SH2D1B: variants seen among roughly 807,000 people sequenced by gnomAD.
The protein encoded by SH2D1B is SH2 domain-containing protein 1B.
A neutral mutation model predicts 16.3 loss-of-function variants in SH2D1B; 11 were observed. The observed-to-expected ratio is 0.67, with a 90% CI of 0.42 to 1.11. The LOEUF (loss-of-function observed/expected upper bound fraction) is 1.11, where lower values mean the gene tolerates loss of function less well. Among genes scored for constraint, SH2D1B ranks in the 50% most tolerant of loss-of-function variants. The pLI is 0.00. For synonymous variants in SH2D1B, 55 were observed against 56.1 expected, an observed-to-expected ratio of 0.98 and a Z score of 0.09; for missense variants, 123 against 153.1, an observed-to-expected ratio of 0.80 and a Z score of 1.04.
At chr1:162,402,598 C>T in intron 2 of SH2D1B, 141 bp downstream of exon 2, 1 of 644,526 alleles carries the variant, frequency 1.6e-6, no homozygotes, top group South Asian at 2.2e-5. Context: ...ACCAGGTTAA[C>T]TCGATCTGAC....
At chr1:162,406,369 A>G (rs981499961) in intron 1 of SH2D1B, among the ~76,000 whole-genome samples, 1 of 152,212 alleles carries the variant, frequency 6.6e-6, no homozygotes, top group African/African-American at 2.4e-5. Flanking sequence ...AATCAATAAA[A>G]TACTAAGCAG....
intron 1 of SH2D1B, among the ~76,000 whole-genome samples, chr1:162,410,087 C>T (rs1441901913): frequency 6.6e-6 from 1 of 152,174 alleles, no homozygotes; most frequent in Admixed American, 6.5e-5. Context: ...CCTACTAAGT[C>T]AGTTTGGCAA....
At chr1:162,403,452 G>T (rs1289039707) in intron 1 of SH2D1B, among the ~76,000 whole-genome samples, 2 of 125,218 alleles carry the variant, frequency 1.6e-5, no homozygotes, top group Middle Eastern at 6.9e-3. Context: ...TCATGCCACT[G>T]CACTCCAGCC....
chr1:162,398,288 C>CTAAG (rs575818000), intron 3 of SH2D1B, among the ~76,000 whole-genome samples: 80 of 152,300 alleles, frequency 5.3e-4, no homozygotes, highest in African/African-American at 1.8e-3. Context: ...GGATTAAGAC[C>CTAAG]TAAGTGTTTC....
rs545271688 is a variant in SH2D1B at position 162,402,655 on chromosome 1, T to C, written c.198+84A>G. On this transcript the variant is annotated intron_variant, in intron 2 of 3. Transcript: ENST00000367929. ...TCCTTTTTAGAATGCTTTCGCACAG[T>C]CATGGCTCAGGTAAAAGACATGTTC... 2.0e-5 allele frequency: 23 copies of C among 1,165,436 alleles called. No homozygotes were observed. The Admixed American group carries it at 2.8e-4, about 14-fold the overall frequency. 72.2% of individuals were successfully genotyped at this position (1,165,436 alleles called of 1,614,324 possible).
chr1:162,410,071 A>T (rs1006134161), intron 1 of SH2D1B, among the ~76,000 whole-genome samples: 2 of 152,162 alleles, frequency 1.3e-5, no homozygotes, highest in Non-Finnish European at 2.9e-5. Context: ...AGTTTTAGCA[A>T]AGAACCCTAC....
intron 2 of SH2D1B, chr1:162,402,441 C>T (rs956055938): frequency 1.5e-5 from 3 of 202,364 alleles, no homozygotes; most frequent in Admixed American, 1.2e-4. Flanking sequence ...TCGCTTGAAC[C>T]CGGGAGGCGG....
chr1:162,399,939 C>G (rs370272722), intron 2 of SH2D1B, among the ~76,000 whole-genome samples: 44 of 152,314 alleles, frequency 2.9e-4, no homozygotes, highest in African/African-American at 9.6e-4. Context: ...CAAGCTGGGG[C>G]TGGTTCTCTT....
rs746291461 is a variant in SH2D1B at position 162,411,954 on chromosome 1, C to G, written c.63G>C (p.Lys21Asn). The G allele has an allele frequency of 6.2e-7, 1 of 1,614,178 alleles. No homozygotes were observed. Among genetic ancestry groups the G allele is most frequent in the Admixed American group, 1.7e-5 (1 of 60,028 alleles). The change falls in exon 1 of 4, where the codon AAG becomes AAC. Residue 21 changes from lysine (K) to asparagine (N), a missense_variant. Coordinates refer to ENST00000367929, the MANE Select transcript of SH2D1B (RefSeq NM_053282.5). ...TKQDCETLLL[K>N]EGVDGNFLLR... is the part of the protein sequence containing the mutation. ...AAAGAAAGTTGCCATCCACCCCTTC[C>G]TTGAGCAGCAAGGTCTCACAGTCTT...
At chr1:162,408,696 G>A (rs1458015319) in intron 1 of SH2D1B, among the ~76,000 whole-genome samples, 5 of 152,032 alleles carry the variant, frequency 3.3e-5, no homozygotes, top group Non-Finnish European at 5.9e-5. Flanking sequence ...ATACAGGTGT[G>A]AGCCACCACG....
At chr1:162,410,765 T>C (rs1249421974) in intron 1 of SH2D1B, among the ~76,000 whole-genome samples, 6 of 151,292 alleles carry the variant, frequency 4.0e-5, no homozygotes, top group African/African-American at 1.5e-4. Flanking sequence ...CAAGTGATTC[T>C]CCTGCCTCAG....
chr1:162,409,690 T>A (rs1248796222), intron 1 of SH2D1B, among the ~76,000 whole-genome samples: 1 of 152,152 alleles, frequency 6.6e-6, no homozygotes, highest in Admixed American at 6.5e-5. Flanking sequence ...GCGATTCTCA[T>A]GCCTCAGCCT....
intron 1 of SH2D1B, among the ~76,000 whole-genome samples, chr1:162,403,503 AAAAAAAAAATATATATATATATATAT>A (rs1557911021): frequency 2.4e-5 from 1 of 40,826 alleles, no homozygotes; most frequent in Non-Finnish European, 6.1e-5. Flanking sequence ...AAAAAAAAAA[AAAAAAAAAATATATATATATATATAT>A]ATATATATAT....
At chr1:162,405,043 C>A (rs2101861937) in intron 1 of SH2D1B, among the ~76,000 whole-genome samples, 1 of 152,266 alleles carries the variant, frequency 6.6e-6, no homozygotes, top group Non-Finnish European at 1.5e-5. Flanking sequence ...AATGAGTAAG[C>A]AATTTGGGAT....
chr1:162,401,387 A>G (rs1301495275), intron 2 of SH2D1B, among the ~76,000 whole-genome samples: 1 of 152,246 alleles, frequency 6.6e-6, no homozygotes. Flanking sequence ...TATTTCAGAC[A>G]TAGCAAAGTT....
intron 1 of SH2D1B, among the ~76,000 whole-genome samples, chr1:162,410,415 CA>C (rs1480482167): frequency 6.6e-6 from 1 of 152,164 alleles, no homozygotes; most frequent in Non-Finnish European, 1.5e-5. Context: ...AAAGTCTTCC[CA>C]ACCATAATTT....
intron 1 of SH2D1B, among the ~76,000 whole-genome samples, chr1:162,409,686 C>T (rs538864699): frequency 2.1e-4 from 32 of 152,250 alleles, no homozygotes; most frequent in Admixed American, 1.6e-3. Context: ...TCAAGCGATT[C>T]TCATGCCTCA....
chr1:162,399,571 G>A (rs1462891349), intron 2 of SH2D1B, among the ~76,000 whole-genome samples: 5 of 152,140 alleles, frequency 3.3e-5, no homozygotes, highest in Admixed American at 6.5e-5. Flanking sequence ...AACGTGTGCC[G>A]TAGTGGTTTG....
chr1:162,397,136 G>T lies in SH2D1B; in HGVS notation c.*144C>A. On this transcript the variant is annotated 3_prime_UTR_variant, in exon 4 of 4. Transcript: ENST00000367929. ...GTGGAGAGTGACCTCTGGTGCTGGT[G>T]GGCAGAACATCTTCAGTTACACAAC... The T allele has an allele frequency of 1.2e-6, 1 of 816,720 alleles. No homozygotes were observed. Among genetic ancestry groups the T allele is most frequent in the Non-Finnish European group, 2.0e-6 (1 of 500,924 alleles). The allele number at this position is 816,720 out of a possible 1,614,324, so 50.6% of individuals were successfully genotyped here.
Sources: allele counts gnomAD v4.1 joint callset (sites outside exome capture counted in the v4.1 genomes callset), GRCh38; gene constraint gnomAD v4.1.1; transcripts MANE v1.5; gene names NCBI Gene and HGNC (gene_info 2026-07-23, HGNC 2026-07-21).